The following RAPGEF4 variants were observed in gnomAD, a reference collection of about 807,000 sequenced individuals.
The protein encoded by RAPGEF4 is RAP guanine-nucleotide-exchange factor (GEF) 4.
A neutral mutation model predicts 147.9 loss-of-function variants in RAPGEF4; 66 were observed. That is an observed-to-expected ratio of 0.45 (90% CI 0.37 to 0.55). The LOEUF (loss-of-function observed/expected upper bound fraction) is 0.55. RAPGEF4 is among the 20% of genes least tolerant of loss of function. RAPGEF4 has a pLI of 0.00. For missense variants in RAPGEF4, 1,071 were observed against 1,257.3 expected (o/e 0.85, Z 2.24); for synonymous variants, 419 against 442.7 (o/e 0.95, Z 0.67).
chr2:172,839,672 C>T (rs1020317012), intron 4 of RAPGEF4, among the ~76,000 whole-genome samples: 16 of 151,358 alleles, frequency 1.1e-4, no homozygotes, highest in Admixed American at 6.6e-4. Flanking sequence ...GAATGCAGCC[C>T]GGTAGGTTTC....
At chr2:172,912,162 C>A (rs1166404884) in intron 4 of RAPGEF4, among the ~76,000 whole-genome samples, 1 of 152,162 alleles carries the variant, frequency 6.6e-6, no homozygotes, top group Non-Finnish European at 1.5e-5. Context: ...TCTCAGCCTG[C>A]TTCCTGCTCA....
At chr2:172,753,476 G>C (rs1326865759) in intron 1 of RAPGEF4, among the ~76,000 whole-genome samples, 1 of 149,338 alleles carries the variant, frequency 6.7e-6, no homozygotes, top group Non-Finnish European at 1.5e-5. Context: ...TGCCACATAA[G>C]AATACCTCTA....
In RAPGEF4 at chr2:173,036,652, A is replaced by G; in HGVS notation, c.2813A>G (p.Asn938Ser). 6.2e-7 allele frequency: 1 copy of G among 1,612,002 alleles called. No homozygotes were observed. ...IKDMTFTHEG[N>S]KTFIDNLVNF... ...GATATGACATTTACTCATGAGGGGA[A>G]CAAGACGTTCATTGACAATCTAGTA... The change falls in exon 29 of 31, where the codon AAC (asparagine) becomes AGC (serine). Residue 938 changes from asparagine to serine, a missense_variant. Asn to Ser is a conservative substitution (Grantham distance 46). Transcript: ENST00000397081.
At chr2:172,927,204 C>G (rs1377303716) in intron 6 of RAPGEF4, among the ~76,000 whole-genome samples, 2 of 152,106 alleles carry the variant, frequency 1.3e-5, no homozygotes, top group Non-Finnish European at 2.9e-5. Flanking sequence ...ATAAGTTTCA[C>G]AGTTTGTGGA....
intron 6 of RAPGEF4, among the ~76,000 whole-genome samples, chr2:172,932,457 C>T (rs549781350): frequency 1.3e-5 from 2 of 152,224 alleles, no homozygotes; most frequent in East Asian, 3.9e-4. Context: ...TTAGACCAGG[C>T]ATTGTGAAAA....
chr2:172,890,925 T>C (rs1236010758), intron 4 of RAPGEF4, among the ~76,000 whole-genome samples: 2 of 152,030 alleles, frequency 1.3e-5, no homozygotes, highest in African/African-American at 2.4e-5. Flanking sequence ...AGGCCAGGAG[T>C]TCGAGACCAG....
chr2:173,042,362 A>C lies in RAPGEF4; in HGVS notation c.2853+5670A>C, dbSNP rs1240369226. On this transcript the variant is annotated intron_variant, in intron 29 of 30. Coordinates refer to ENST00000397081, the MANE Select transcript of RAPGEF4 (RefSeq NM_007023.4). The surrounding 1 kb of genome is among the most constrained non-coding windows in gnomAD (Gnocchi z 4.2). ...AAAATTGGATGAATCAACTGGGCACAGTGGCTCACGCCTGTAATCCCAGCA... is the reference window on the plus strand; with the variant it reads ...AAAATTGGATGAATCAACTGGGCACCGTGGCTCACGCCTGTAATCCCAGCA... 1.3e-5 allele frequency among the ~76,000 whole-genome samples: 2 copies of C among 152,262 alleles called. No homozygotes were observed. The highest frequency in any genetic ancestry group is 2.9e-5 in the Non-Finnish European group (2 of 68,044).
At chr2:172,807,844 T>C (rs150841777) in intron 3 of RAPGEF4, among the ~76,000 whole-genome samples, 81 of 152,338 alleles carry the variant, frequency 5.3e-4, no homozygotes, top group African/African-American at 1.9e-3. Context: ...ACTCAGTATA[T>C]GTCCAAAACA....
intron 1 of RAPGEF4, among the ~76,000 whole-genome samples, chr2:172,739,670 C>G (rs972074573): frequency 3.3e-5 from 5 of 152,126 alleles, no homozygotes; most frequent in Admixed American, 1.3e-4. Flanking sequence ...CACACCCGGC[C>G]CATTGTTTAA....
intron 4 of RAPGEF4, among the ~76,000 whole-genome samples, chr2:172,861,881 G>A (rs959294922): frequency 6.6e-6 from 1 of 152,162 alleles, no homozygotes; most frequent in Non-Finnish European, 1.5e-5. Flanking sequence ...TGTCAAGTTT[G>A]GCCTCTAATT....
chr2:172,970,321 A>G (rs1444427330), intron 10 of RAPGEF4, among the ~76,000 whole-genome samples: 1 of 152,138 alleles, frequency 6.6e-6, no homozygotes, highest in African/African-American at 2.4e-5. Context: ...TCACTCCTGG[A>G]AACTGAGGGC....
chr2:172,899,982 C>T (rs1698899023), intron 4 of RAPGEF4, among the ~76,000 whole-genome samples: 1 of 152,146 alleles, frequency 6.6e-6, no homozygotes, highest in East Asian at 1.9e-4. Flanking sequence ...TTCCTTCCAC[C>T]CTTGGACTCC....
intron 1 of RAPGEF4, among the ~76,000 whole-genome samples, chr2:172,780,325 C>T (rs560572294): frequency 6.6e-5 from 10 of 152,200 alleles, no homozygotes; most frequent in South Asian, 2.1e-4. Flanking sequence ...ACATTTTAGA[C>T]GAGACAAAGG....
At chr2:172,976,544 A>C (rs978037666) in intron 10 of RAPGEF4, among the ~76,000 whole-genome samples, 13 of 152,292 alleles carry the variant, frequency 8.5e-5, no homozygotes, top group South Asian at 2.1e-4. Flanking sequence ...CACACACACA[A>C]AAAAATAGAG....
chr2:172,768,529 A>G (rs1697064929), intron 1 of RAPGEF4, among the ~76,000 whole-genome samples: 2 of 152,046 alleles, frequency 1.3e-5, no homozygotes, highest in African/African-American at 2.4e-5. Flanking sequence ...AAGAAAGAAA[A>G]AAAAGCTGTG....
intron 4 of RAPGEF4, among the ~76,000 whole-genome samples, chr2:172,898,293 T>G (rs1413250570): frequency 2.0e-5 from 3 of 151,458 alleles, no homozygotes; most frequent in Non-Finnish European, 2.9e-5. Flanking sequence ...AACAGAAGAG[T>G]TGAGAAGGTA....
At chr2:172,828,508 C>T (rs1237785591) in intron 4 of RAPGEF4, among the ~76,000 whole-genome samples, 1 of 152,180 alleles carries the variant, frequency 6.6e-6, no homozygotes, top group East Asian at 1.9e-4. Context: ...TCAGCTCCTC[C>T]TTGACCCATC....
chr2:172,945,643 A>G (rs768276529), intron 6 of RAPGEF4, among the ~76,000 whole-genome samples: 11 of 152,074 alleles, frequency 7.2e-5, no homozygotes, highest in Non-Finnish European at 1.6e-4. Context: ...TTTCATGGTA[A>G]TTATTTTACC....
intron 1 of RAPGEF4, among the ~76,000 whole-genome samples, chr2:172,779,590 G>C: frequency 6.6e-6 from 1 of 152,190 alleles, no homozygotes; most frequent in Non-Finnish European, 1.5e-5. Context: ...GCCAGGTGAT[G>C]TGGAAACTTT....
Sources: gnomAD v4.1 joint callset for allele counts (sites outside exome capture counted in the v4.1 genomes callset) on GRCh38, gnomAD v4.1.1 for gene constraint, Gnocchi (gnomAD v3.1) non-coding constraint, MANE v1.5 for transcripts, NCBI Gene and HGNC (gene_info 2026-07-23, HGNC 2026-07-21) for gene names.